The following ENTR1 variants were observed in gnomAD, a reference collection of about 807,000 sequenced individuals.
ENTR1 encodes endosome associated trafficking regulator 1.
In ENTR1, 47 loss-of-function variants were observed where a neutral mutation model predicts 47.9. That is an observed-to-expected ratio of 0.98 (90% CI 0.78 to 1.25). ENTR1 has a LOEUF of 1.25. Ranked by LOEUF, ENTR1 falls within the 50% of genes most tolerant of loss-of-function variation. The probability of loss-of-function intolerance (pLI) is 0.00; values close to 1 mark genes in which losing one functional copy is unlikely to be tolerated. For synonymous variants in ENTR1, 290 were observed against 245.8 expected (o/e 1.18, Z -1.68); for missense variants, 668 against 570.5 (o/e 1.17, Z -1.74).
chr9:136,404,038 G>A lies in ENTR1; in HGVS notation c.1208+17C>T. 6.4e-7 allele frequency: 1 copy of A among 1,557,348 alleles called. No homozygotes were observed. Among genetic ancestry groups the A allele is most frequent in the Non-Finnish European group, 8.7e-7 (1 of 1,145,410 alleles). ...CCCTTTCCCCGCCAGGCTTCCCGGT[G>A]CCTCCCAGGCACTCACTTGATGGAA... On this transcript the variant is annotated intron_variant, in intron 9 of 9. Coordinates refer to ENST00000357365, the MANE Select transcript of ENTR1 (RefSeq NM_001039707.2).
Position 136,408,524 on chromosome 9 carries a change from G to A in ENTR1, c.289+475C>T, listed in dbSNP as rs571138208. ...ACCTGGGAGGTGGAGCTTGCAGTGAGCCGAGATCGTGCCACTGTACTCCAG... is the reference window on the plus strand; with the variant it reads ...ACCTGGGAGGTGGAGCTTGCAGTGAACCGAGATCGTGCCACTGTACTCCAG... On this transcript the variant is annotated intron_variant, in intron 3 of 9. Transcript: ENST00000357365. Among the ~76,000 whole-genome samples the A allele has an allele frequency of 8.3e-4, 126 of 152,234 alleles. 2 individuals carry two copies. The highest frequency in any genetic ancestry group is 3.0e-3 in the African/African-American group (123 of 41,520).
intron 7 of ENTR1, 149 bp downstream of exon 7, chr9:136,404,942 G>A (rs1007259359): frequency 4.2e-6 from 3 of 706,880 alleles, no homozygotes; most frequent in African/African-American, 3.5e-5. Context: ...CAGGCACAGC[G>A]AGACAGCGAC....
Position 136,410,110 on chromosome 9 carries a change from A to T in ENTR1, c.200T>A (p.Leu67Gln). The change falls in exon 2 of 10, where the codon CTG (leucine) becomes CAG (glutamine). Residue 67 changes from leucine to glutamine, a missense_variant. Physicochemically the swap from Leu to Gln is moderately radical, Grantham distance 113 (BLOSUM62 -2). Coordinates refer to ENST00000357365, the MANE Select transcript of ENTR1 (RefSeq NM_001039707.2). Reference protein sequence around the residue: ...AFMCYVPSPVLASVGDTDFGY... With the variant: ...AFMCYVPSPVQASVGDTDFGY... ...CTCACCTGTGTCTCCCACGGAAGCC[A>T]GCACCGGGCTGGGCACATAGCACAT... The T allele has an allele frequency of 6.2e-7, 1 of 1,612,752 alleles. No homozygotes were observed. Among genetic ancestry groups the T allele is most frequent in the Non-Finnish European group, 8.5e-7 (1 of 1,179,904 alleles).
chr9:136,406,073 A>T, intron 5 of ENTR1, 95 bp from the exon 6 acceptor site: 1 of 825,358 alleles, frequency 1.2e-6, no homozygotes, highest in South Asian at 1.7e-5. Flanking sequence ...CCTGATAAGC[A>T]GAGATGCTGG....
chr9:136,410,112 C>T lies in ENTR1; in HGVS notation c.198G>A (p.Val66=), dbSNP rs1441228406. The part of the protein sequence containing the change: ...PAFMCYVPSP[V]LASVGDTDFG... ...CACCTGTGTCTCCCACGGAAGCCAG[C>T]ACCGGGCTGGGCACATAGCACATAA... Residue 66 remains valine, a synonymous_variant, in exon 2 of 10, where the codon GTG becomes GTA. Transcript: ENST00000357365. The T allele has an allele frequency of 3.7e-6, 6 of 1,612,768 alleles. No homozygotes were observed. The African/African-American group carries it at 8.0e-5, about 22-fold the overall frequency.
Position 136,405,936 on chromosome 9 carries a change from C to G in ENTR1, c.862G>C (p.Val288Leu). ...NSKLRRKLNE[V>L]QSFSEAQTEM... ...GTTTGAGCTTCAGAGAAGCTCTGAA[C>G]CTCATTCAGCTTTCTTCTCAGCTTA... The change falls in exon 6 of 10, where the codon GTT becomes CTT. Residue 288 changes from valine to leucine, a missense_variant. Coordinates refer to ENST00000357365, the MANE Select transcript of ENTR1 (RefSeq NM_001039707.2). The G allele has an allele frequency of 1.2e-6, 2 of 1,606,814 alleles. No homozygotes were observed.
intron 2 of ENTR1, among the ~76,000 whole-genome samples, 177 bp from the exon 3 acceptor site, chr9:136,409,244 G>C (rs966374179): frequency 6.6e-6 from 1 of 151,228 alleles, no homozygotes; most frequent in South Asian, 2.1e-4. Flanking sequence ...GCAGTGGTGC[G>C]ATCTCGGCTC....
rs1834861265 is a variant in ENTR1, at chr9:136,407,921, G to T, written c.307C>A (p.Leu103Met). 2.5e-6 allele frequency: 4 copies of T among 1,605,848 alleles called. No individual in the cohort carries two copies. The highest frequency in any genetic ancestry group is 3.4e-6 in the Non-Finnish European group (4 of 1,172,652). Residue 103 changes from leucine to methionine, a missense_variant, in exon 4 of 10, where the codon CTG becomes ATG. By Grantham distance (15) the Leu-to-Met change is conservative. Transcript: ENST00000357365. ...THFGDDRFED[L>M]EEANPFSFRE... ...AAAGAGAATGGATTTGCCTCTTCCAGATCTTCAAATCTGTCATCTGAAATA... is the reference window on the plus strand; with the variant it reads ...AAAGAGAATGGATTTGCCTCTTCCATATCTTCAAATCTGTCATCTGAAATA...
chr9:136,409,905 A>T (rs1364562028), intron 2 of ENTR1, 185 bp downstream of exon 2: 3 of 763,356 alleles, frequency 3.9e-6, no homozygotes, highest in South Asian at 3.0e-5. Flanking sequence ...GTCTTGGGGG[A>T]GGTCTCCCCG....
At chr9:136,409,203 C>CG in intron 2 of ENTR1, 136 bp from the exon 3 acceptor site, 1 of 634,894 alleles carries the variant, frequency 1.6e-6, no homozygotes, top group East Asian at 3.0e-5. Context: ...TTTTTTGAGA[C>CG]GGAGTCTTGC....
intron 8 of ENTR1, among the ~76,000 whole-genome samples, chr9:136,404,403 G>A (rs1469077541): frequency 6.6e-6 from 1 of 152,180 alleles, no homozygotes; most frequent in Admixed American, 6.5e-5. Context: ...TGGCAATAGG[G>A]ACTCCTACAA....
Position 136,402,231 on chromosome 9 carries a change from A to T in ENTR1, c.*557T>A, listed in dbSNP as rs1588777479. ...TGACCTTGGTCCCCGTGGGTCCCGG[A>T]GGAGGACAGCAGCAGCCACGCGGTG... On this transcript the variant is annotated 3_prime_UTR_variant, in exon 10 of 10. Coordinates refer to ENST00000357365, the MANE Select transcript of ENTR1 (RefSeq NM_001039707.2). 2 of 153,024 alleles carry T rather than the reference A, an allele frequency of 1.3e-5. No individual in the cohort carries two copies. Among genetic ancestry groups the T allele is most frequent in the African/African-American group, 4.8e-5 (2 of 41,578 alleles). The allele number at this position is 153,024 out of a possible 1,614,324, so 9.5% of individuals were successfully genotyped here. A position where few individuals can be genotyped will look rare whatever the true frequency, so the allele number is the denominator to read the frequency against.
chr9:136,404,531 CAG>C, intron 8 of ENTR1, 98 bp downstream of exon 8: 1 of 1,297,036 alleles, frequency 7.7e-7, no homozygotes. Context: ...TGCTTGGGCT[CAG>C]GGGAAACCCC....
chr9:136,402,821 A>T lies in ENTR1; in HGVS notation c.1275T>A (p.Ile425=). The stretch of plus-strand genomic sequence containing the variant: ...CTTCCTCCTCGTCTTTAACTTCAGA[A>T]ATTCTGTCTATAGATTTAAGGATTT... The part of the protein sequence containing the change: ...VAEILKSIDR[I]SEVKDEEEDS The change falls in exon 10 of 10, where the codon ATT becomes ATA. Residue 425 remains isoleucine (I), a synonymous_variant. Transcript: ENST00000357365. 6.2e-7 allele frequency: 1 copy of T among 1,613,098 alleles called. No homozygotes were observed. The highest frequency in any genetic ancestry group is 8.5e-7 in the Non-Finnish European group (1 of 1,179,802).
In ENTR1 at chr9:136,408,985, C is replaced by T. The variant is rs1277445291; in HGVS notation, c.289+14G>A. 6.2e-7 allele frequency: 1 copy of T among 1,612,148 alleles called. No homozygotes were observed. Among genetic ancestry groups the T allele is most frequent in the African/African-American group, 1.3e-5 (1 of 74,874 alleles). On this transcript the variant is annotated intron_variant, in intron 3 of 9. Transcript: ENST00000357365. ...GGATGGAGACAAGAAGAAAAGGTTG[C>T]TGAACTACTCTACCTCCAAAATGTG...
intron 5 of ENTR1, among the ~76,000 whole-genome samples, chr9:136,406,621 C>T (rs1398136428): frequency 2.0e-5 from 3 of 151,884 alleles, no homozygotes; most frequent in Admixed American, 6.5e-5. Flanking sequence ...GGACTACAGG[C>T]GCCTGCCGCC....
intron 4 of ENTR1, 106 bp from the exon 5 acceptor site, chr9:136,407,667 C>T: frequency 6.9e-7 from 1 of 1,458,246 alleles, no homozygotes; most frequent in South Asian, 1.4e-5. Context: ...CCCAATCTCT[C>T]TACCGGAAGG....
intron 2 of ENTR1, 106 bp downstream of exon 2, chr9:136,409,984 G>T: frequency 7.3e-7 from 1 of 1,362,646 alleles, no homozygotes; most frequent in South Asian, 1.2e-5. Context: ...CGCAGTGAGC[G>T]CTCTGCACAT....
intron 5 of ENTR1, 21 bp downstream of exon 5, chr9:136,407,124 G>T (rs1770578959): frequency 6.4e-7 from 1 of 1,565,418 alleles, no homozygotes; most frequent in Non-Finnish European, 8.7e-7. Context: ...TGTGCCAGAG[G>T]GCGCCGTGAG....
Sources: gnomAD v4.1 joint callset for allele counts (sites outside exome capture counted in the v4.1 genomes callset) on GRCh38, gnomAD v4.1.1 for gene constraint, MANE v1.5 for transcripts, NCBI Gene and HGNC (gene_info 2026-07-23, HGNC 2026-07-21) for gene names.